The following AK9 variants were observed in gnomAD, a reference collection of about 807,000 sequenced individuals.
AK9 encodes the protein adenylate kinase 9, also known as adenylate kinase domain containing 1.
AK9 carries 191 observed loss-of-function variants against 239.6 expected under a neutral mutation model. The ratio of observed to expected loss-of-function variants is 0.80; its 90% CI spans 0.71 to 0.90. The LOEUF is 0.90. AK9 is among the 40% of genes least tolerant of loss of function. The pLI, the probability that AK9 is intolerant of heterozygous loss-of-function variation, is 0.00. For missense variants in AK9, 1,995 were observed against 2,214.7 expected (o/e 0.90, Z 1.99); for synonymous variants, 689 against 721.0 (o/e 0.96, Z 0.71).
intron 15 of AK9, 72 bp from the exon 16 acceptor site, chr6:109,612,165 G>T: frequency 9.8e-7 from 1 of 1,016,788 alleles, no homozygotes; most frequent in Non-Finnish European, 1.4e-6. Context: ...AAGGAAGATT[G>T]TAATATAAGC....
At chr6:109,563,794 A>C (rs1786100890) in intron 23 of AK9, 82 bp from the exon 24 acceptor site, 1 of 1,384,892 alleles carries the variant, frequency 7.2e-7, no homozygotes, top group Non-Finnish European at 9.7e-7. Flanking sequence ...ATGTTGGGAA[A>C]ATTGATTATT....
chr6:109,523,885 G>A (rs778983464), intron 29 of AK9, among the ~76,000 whole-genome samples: 31 of 152,138 alleles, frequency 2.0e-4, no homozygotes, highest in Non-Finnish European at 3.4e-4. Context: ...TTAATTGCCT[G>A]CTAAAACAAA....
chr6:109,596,557 C>T (rs1462922768), intron 17 of AK9, among the ~76,000 whole-genome samples: 1 of 152,098 alleles, frequency 6.6e-6, no homozygotes, highest in African/African-American at 2.4e-5. Flanking sequence ...GATGTTTGCA[C>T]CTGAAGGGAG....
At chr6:109,623,652 T>G (rs534537765) in intron 12 of AK9, among the ~76,000 whole-genome samples, 15 of 152,304 alleles carry the variant, frequency 9.8e-5, no homozygotes, top group Non-Finnish European at 1.8e-4. Context: ...TATTGTTGTT[T>G]CAAGCTGTTA....
intron 25 of AK9, 174 bp downstream of exon 25, chr6:109,549,916 G>A (rs1784149328): frequency 3.6e-6 from 2 of 557,214 alleles, no homozygotes; most frequent in East Asian, 3.5e-5. Context: ...CGCCCGTCTC[G>A]GCCTCCCAAA....
chr6:109,653,637 A>G (rs539148879), intron 8 of AK9, among the ~76,000 whole-genome samples: 1 of 150,444 alleles, frequency 6.6e-6, no homozygotes, highest in Non-Finnish European at 1.5e-5. Context: ...TCAAATATAT[A>G]TTTTCATTAC....
At chr6:109,493,627 A>G in intron 40 of AK9, 56 bp from the exon 41 acceptor site, 1 of 1,458,560 alleles carries the variant, frequency 6.9e-7, no homozygotes. Flanking sequence ...GAGTCATTAA[A>G]TGAAAGAGAC....
chr6:109,575,589 A>G (rs993442368), intron 20 of AK9, among the ~76,000 whole-genome samples: 1 of 152,090 alleles, frequency 6.6e-6, no homozygotes, highest in Non-Finnish European at 1.5e-5. Context: ...CCTTTGTCAG[A>G]TGCGTAGTTT....
chr6:109,559,690 T>G (rs1360991512), intron 24 of AK9, among the ~76,000 whole-genome samples: 2 of 152,248 alleles, frequency 1.3e-5, no homozygotes, highest in East Asian at 3.8e-4. Context: ...GTCCTGAAAC[T>G]TTGCTAAATT....
chr6:109,675,832 C>T (rs1228042856), intron 1 of AK9, 76 bp from the exon 2 acceptor site: 1 of 828,750 alleles, frequency 1.2e-6, no homozygotes, highest in East Asian at 2.8e-5. Context: ...TTGAAATAAC[C>T]TGTGAGTTTT....
At chr6:109,664,714 C>T (rs1304545570) in intron 5 of AK9, among the ~76,000 whole-genome samples, 3 of 151,748 alleles carry the variant, frequency 2.0e-5, no homozygotes, top group Admixed American at 1.3e-4. Context: ...TGAGCCACCA[C>T]GTCAGGCCAC....
chr6:109,510,164 C>T (rs1381400648), intron 32 of AK9, among the ~76,000 whole-genome samples: 1 of 151,978 alleles, frequency 6.6e-6, no homozygotes, highest in Non-Finnish European at 1.5e-5. Flanking sequence ...CTCGTGGTGC[C>T]TCTTCTGGGC....
intron 24 of AK9, among the ~76,000 whole-genome samples, chr6:109,560,426 C>T (rs1785603090): frequency 6.6e-6 from 1 of 152,114 alleles, no homozygotes; most frequent in Non-Finnish European, 1.5e-5. Context: ...TCTGTGGATC[C>T]CCTTTATCAA....
chr6:109,534,225 A>C (rs1010806387), intron 27 of AK9, among the ~76,000 whole-genome samples: 1 of 148,666 alleles, frequency 6.7e-6, no homozygotes. Context: ...CTTCTCAAAA[A>C]AAAAAAAGAA....
intron 26 of AK9, among the ~76,000 whole-genome samples, chr6:109,543,054 C>T (rs1005789248): frequency 6.6e-6 from 1 of 151,994 alleles, no homozygotes; most frequent in African/African-American, 2.4e-5. Context: ...TGGGATAAGC[C>T]AAACAGGCAG....
In AK9 at chr6:109,641,527, T is replaced by C. The variant is rs1220846530; in HGVS notation, c.924A>G (p.Thr308=). The change falls in exon 10 of 41, where the codon ACA becomes ACG. Residue 308 remains threonine (T), a synonymous_variant. Coordinates refer to ENST00000424296, the MANE Select transcript of AK9 (RefSeq NM_001145128.3). The stretch of plus-strand genomic sequence containing the variant: ...GTTCCATATAACTTACATTTTCCAT[T>C]GTGTCATTAATTTCTTCCTCTGCAC... ...LQGAEEEIND[T]MENDELFRTL... 6.2e-7 allele frequency: 1 copy of C among 1,611,270 alleles called. No homozygotes were observed. The highest frequency in any genetic ancestry group is 8.5e-7 in the Non-Finnish European group (1 of 1,177,698).
intron 12 of AK9, among the ~76,000 whole-genome samples, chr6:109,621,953 CA>C (rs376483185): frequency 0.38 from 29,975 of 79,310 alleles, 3,447 homozygotes; most frequent in East Asian, 0.51. Flanking sequence ...GCAAAAAAAA[CA>C]AAAAAAAAAA....
At chr6:109,605,389 T>A (rs950778550) in intron 17 of AK9, among the ~76,000 whole-genome samples, 2 of 152,218 alleles carry the variant, frequency 1.3e-5, no homozygotes, top group African/African-American at 2.4e-5. Flanking sequence ...CTGCTATCCT[T>A]AATGTGACAA....
chr6:109,586,211 TA>T, intron 17 of AK9, 139 bp from the exon 18 acceptor site: 1 of 808,486 alleles, frequency 1.2e-6, no homozygotes, highest in Non-Finnish European at 1.9e-6. Flanking sequence ...TGACAATTTT[TA>T]AAGCTAAACT....
Sources: allele counts gnomAD v4.1 joint callset (sites outside exome capture counted in the v4.1 genomes callset), GRCh38; gene constraint gnomAD v4.1.1; transcripts MANE v1.5; gene names NCBI Gene and HGNC (gene_info 2026-07-23, HGNC 2026-07-21).